The following PDE4DIP variants were observed in gnomAD, a reference collection of about 807,000 sequenced individuals.
The protein encoded by PDE4DIP is myomegalin.
PDE4DIP carries 59 observed loss-of-function variants against 221.4 expected under a neutral mutation model. That is an observed-to-expected ratio of 0.27 (90% CI 0.22 to 0.33). PDE4DIP has a LOEUF of 0.33. PDE4DIP is among the 10% of genes least tolerant of loss of function. The pLI is 1.00. For synonymous variants in PDE4DIP, 404 were observed against 815.9 expected (o/e 0.50, Z 8.60); for missense variants, 1,036 against 2,154.2 (o/e 0.48, Z 10.28).
chr1:148,983,634 A>G (rs1553545918), intron 21 of PDE4DIP: 4 of 152,516 alleles, frequency 2.6e-5, no homozygotes, highest in Non-Finnish European at 5.9e-5. Flanking sequence ...GTGGTTGGAC[A>G]CATCATTTAA....
intron 14 of PDE4DIP, among the ~76,000 whole-genome samples, chr1:148,971,375 G>A (rs587764092): frequency 3.5e-4 from 52 of 148,648 alleles, no homozygotes; most frequent in Non-Finnish European, 6.1e-4. Flanking sequence ...TAAGTGCATC[G>A]AAAAAAAATT....
At chr1:149,006,135 A>T (rs868972160) in intron 27 of PDE4DIP, among the ~76,000 whole-genome samples, 2 of 101,162 alleles carry the variant, frequency 2.0e-5, no homozygotes, top group Non-Finnish European at 4.0e-5. Context: ...TCTGTCTCGG[A>T]AAAAAAAAAA....
At chr1:149,006,289 T>C (rs2067023013) in intron 27 of PDE4DIP, 1 of 152,206 alleles carries the variant, frequency 6.6e-6, no homozygotes, top group Non-Finnish European at 1.5e-5. Flanking sequence ...TATTGCTAAG[T>C]AATAACCACT....
chr1:148,969,857 C>G (rs1349525224), intron 14 of PDE4DIP, among the ~76,000 whole-genome samples: 3 of 152,038 alleles, frequency 2.0e-5, no homozygotes, highest in Admixed American at 2.0e-4. Context: ...CAGGCATGCA[C>G]CACCATGCCC....
chr1:149,016,231 A>T lies in PDE4DIP; in HGVS notation c.5267-68A>T, dbSNP rs1337039357. The T allele has an allele frequency of 2.2e-6, 3 of 1,336,790 alleles. No individual in the cohort carries two copies. In the Admixed American group the frequency reaches 5.5e-5, roughly 25 times the overall value. 82.8% of individuals were successfully genotyped at this position (1,336,790 alleles called of 1,614,324 possible). The stretch of plus-strand genomic sequence containing the variant: ...TTTAGTCTCTATTCTTAGCAATCAC[A>T]CACTTCCTTGCAAATTCTTCCCTTC... On this transcript the variant is annotated intron_variant, in intron 32 of 43. Transcript: ENST00000369354.
At chr1:148,939,683 T>A (rs1382382854) in intron 5 of PDE4DIP, 11 of 152,178 alleles carry the variant, frequency 7.2e-5, no homozygotes, top group Middle Eastern at 3.2e-3. Context: ...TAAGGGACTC[T>A]TGAAAATATT....
chr1:148,893,045 TTATA>T (rs1196923717), intron 1 of PDE4DIP, among the ~76,000 whole-genome samples: 1 of 109,952 alleles, frequency 9.1e-6, no homozygotes, highest in Non-Finnish European at 1.8e-5. Context: ...GGCTAATTAT[TTATA>T]TATATATGTG....
chr1:148,981,432 G>T, intron 21 of PDE4DIP, 35 bp downstream of exon 24: 1 of 1,613,382 alleles, frequency 6.2e-7, no homozygotes, highest in Non-Finnish European at 8.5e-7. Context: ...TTCATCACAA[G>T]CATGCCTACT....
At chr1:149,020,696 C>T in intron 36 of PDE4DIP, 1 of 371,064 alleles carries the variant, frequency 2.7e-6, no homozygotes, top group Non-Finnish European at 4.9e-6. Flanking sequence ...GATGCTTGGT[C>T]CCAGCATAAG....
At chr1:148,951,472 G>A (rs1372568614) in intron 5 of PDE4DIP, among the ~76,000 whole-genome samples, 2 of 152,160 alleles carry the variant, frequency 1.3e-5, no homozygotes, top group Non-Finnish European at 1.5e-5. Flanking sequence ...GGTTTTCACC[G>A]AAGTCAGTGA....
intron 5 of PDE4DIP, among the ~76,000 whole-genome samples, chr1:148,959,148 T>G (rs2056201053): frequency 6.6e-6 from 1 of 151,916 alleles, no homozygotes; most frequent in Non-Finnish European, 1.5e-5. Flanking sequence ...TATCATGTAC[T>G]CCCCACTCCA....
Position 148,955,717 on chromosome 1 carries a change from T to C in PDE4DIP, c.637-4937T>C, listed in dbSNP as rs1291012511. The stretch of plus-strand genomic sequence containing the variant: ...TTTAGAGATTATGTGAAAAAAATTG[T>C]CATCTGAATGAACACATATAAACTA... On this transcript the variant is annotated intron_variant, in intron 5 of 43. Transcript: ENST00000369354. Among the ~76,000 whole-genome samples the C allele has an allele frequency of 2.0e-5, 3 of 152,094 alleles. No homozygotes were observed. In the East Asian group the frequency reaches 5.8e-4, roughly 29 times the overall value.
At chr1:148,999,751 C>A (rs1414259092) in intron 23 of PDE4DIP, among the ~76,000 whole-genome samples, 19 of 152,084 alleles carry the variant, frequency 1.2e-4, no homozygotes, top group Non-Finnish European at 2.8e-4. Context: ...CCATCTATAG[C>A]TATCCCTGTG....
intron 21 of PDE4DIP, chr1:148,981,850 C>G (rs782727332): frequency 7.3e-5 from 12 of 164,834 alleles, no homozygotes; most frequent in Non-Finnish European, 1.6e-4. Context: ...GCCATTCAGT[C>G]AACTCCTCTT....
intron 36 of PDE4DIP, chr1:149,020,702 A>T: frequency 2.6e-6 from 1 of 379,860 alleles, no homozygotes; most frequent in Non-Finnish European, 4.8e-6. Flanking sequence ...TGGTCCCAGC[A>T]TAAGCCCTGT....
At chr1:148,887,606 ACT>A (rs1388668637), upstream of PDE4DIP, among the ~76,000 whole-genome samples, 1 of 19,108 alleles carries the variant, frequency 5.2e-5, no homozygotes, top group South Asian at 3.5e-3. Flanking sequence ...ACAGAGCAAG[ACT>A]CTGTCTCAAA....
At chr1:149,010,576 G>T in exon 31 of PDE4DIP, 1 of 1,614,088 alleles carries the variant, frequency 6.2e-7, no homozygotes, top group Non-Finnish European at 8.5e-7. Flanking sequence ...CCCCCAAGGA[G>T]GCCAACCAGG....
intron 1 of PDE4DIP, among the ~76,000 whole-genome samples, chr1:148,920,133 T>TTTTATTTA (rs58595415): frequency 2.7e-4 from 40 of 146,646 alleles, no homozygotes; most frequent in East Asian, 7.8e-4. Context: ...TTTTTTTGGT[T>TTTTATTTA]TTTATTTATT....
At chr1:148,986,480 A>G (rs2061923591) in intron 21 of PDE4DIP, 1 of 152,200 alleles carries the variant, frequency 6.6e-6, no homozygotes, top group East Asian at 1.9e-4. Context: ...AACAGAAACT[A>G]TTTGGTTTTA....
Sources: allele counts gnomAD v4.1 joint callset (sites outside exome capture counted in the v4.1 genomes callset), GRCh38; gene constraint gnomAD v4.1.1; transcripts MANE v1.5; gene names NCBI Gene and HGNC (gene_info 2026-07-23, HGNC 2026-07-21).